Variants in ABL2 observed in about 807,000 individuals in gnomAD.
ABL2 encodes the protein tyrosine-protein kinase ABL2.
In ABL2, 49 loss-of-function variants were observed where a neutral mutation model predicts 107.7. The ratio of observed to expected loss-of-function variants is 0.45; its 90% CI spans 0.36 to 0.58. The LOEUF (loss-of-function observed/expected upper bound fraction) is 0.58. Among genes scored for constraint, ABL2 ranks in the 20% least tolerant of loss-of-function variants. The pLI, the probability that ABL2 is intolerant of heterozygous loss-of-function variation, is 0.00. For synonymous variants in ABL2, 549 were observed against 548.6 expected (o/e 1.00, Z -0.01); for missense variants, 1,245 against 1,457.0 (o/e 0.85, Z 2.37).
intron 1 of ABL2, among the ~76,000 whole-genome samples, chr1:179,145,408 A>T (rs939697174): frequency 7.9e-5 from 12 of 152,194 alleles, no homozygotes; most frequent in African/African-American, 2.7e-4. Context: ...ATTAAACCTG[A>T]AATTTTAATG....
At chr1:179,200,892 C>T (rs1364681826) in intron 1 of ABL2, among the ~76,000 whole-genome samples, 5 of 152,190 alleles carry the variant, frequency 3.3e-5, no homozygotes, top group Non-Finnish European at 7.4e-5. Context: ...ACAAGACATA[C>T]TTACTTCCTC....
chr1:179,202,422 T>A (rs1330723588), intron 1 of ABL2, among the ~76,000 whole-genome samples: 2 of 152,226 alleles, frequency 1.3e-5, no homozygotes, highest in Admixed American at 6.5e-5. Flanking sequence ...ACATTTTTGT[T>A]TTCAATAGTT....
In ABL2 at chr1:179,181,946, ATTTTTT is replaced by A. The variant is rs34828452; in HGVS notation, c.157+47289_157+47294del. 5.5e-5 allele frequency among the ~76,000 whole-genome samples: 5 copies of A among 91,200 alleles called. No homozygotes were observed. In the Admixed American group the frequency reaches 6.0e-4, roughly 11 times the overall value. The allele number at this position is 91,200 out of a possible 152,430, so 59.8% of individuals were successfully genotyped here. On this transcript the variant is annotated intron_variant, in intron 1 of 11. Coordinates refer to ENST00000502732, the MANE Select transcript of ABL2 (RefSeq NM_007314.4). ...TAGTCACGTGTCACCAGGCCCGGCT[ATTTTTT>A]TTTTTTTTTTTTTTTTTGTATTTTT...
chr1:179,101,374 A>G lies in ABL2; in HGVS notation c.*6344T>C, dbSNP rs1572585847. Reference sequence around the variant, plus strand: ...AGGATATTGAGTCAGAAATGAAGGTATCCTTTTTTTTTTTTTTCTTCTTAA... The same window carrying G: ...AGGATATTGAGTCAGAAATGAAGGTGTCCTTTTTTTTTTTTTTCTTCTTAA... On this transcript the variant is annotated 3_prime_UTR_variant, in exon 12 of 12. Coordinates refer to ENST00000502732, the MANE Select transcript of ABL2 (RefSeq NM_007314.4). 1 of 129,530 alleles carries G rather than the reference A, an allele frequency of 7.7e-6. No homozygotes were observed. Among genetic ancestry groups the G allele is most frequent in the South Asian group, 3.1e-4 (1 of 3,178 alleles). 8.0% of individuals were successfully genotyped at this position (129,530 alleles called of 1,614,324 possible).
intron 4 of ABL2, among the ~76,000 whole-genome samples, chr1:179,125,316 A>G (rs894030512): frequency 6.6e-6 from 1 of 152,250 alleles, no homozygotes; most frequent in Admixed American, 6.5e-5. Flanking sequence ...TCTGTTGTTG[A>G]ATGAAATTGC....
chr1:179,207,862 G>A (rs1662065033), intron 1 of ABL2, among the ~76,000 whole-genome samples: 2 of 152,112 alleles, frequency 1.3e-5, no homozygotes, highest in South Asian at 2.1e-4. Flanking sequence ...ATCTCTGACT[G>A]ATATTGTCAC....
intron 1 of ABL2, among the ~76,000 whole-genome samples, chr1:179,185,469 C>T (rs1189242331): frequency 6.6e-6 from 1 of 151,762 alleles, no homozygotes; most frequent in Non-Finnish European, 1.5e-5. Flanking sequence ...TTTTGTTTCA[C>T]TGGAAAGGAA....
chr1:179,190,107 G>A (rs1223907593), intron 1 of ABL2, among the ~76,000 whole-genome samples: 3 of 152,004 alleles, frequency 2.0e-5, no homozygotes, highest in Non-Finnish European at 2.9e-5. Context: ...GTGAGCCACC[G>A]GGCCCAGCCT....
In ABL2 at chr1:179,229,392, C is replaced by G; in HGVS notation, c.6G>C (p.Gly2=). Residue 2 remains glycine, a synonymous_variant, in exon 1 of 12, where the codon GGG becomes GGC. Transcript: ENST00000502732. M[G]QQVGRVGEAP... ...CTTCCCCGACGCGGCCCACCTGCTGCCCCATCCCTGCTCTCGCGTACTCCC... is the reference window on the plus strand; with the variant it reads ...CTTCCCCGACGCGGCCCACCTGCTGGCCCATCCCTGCTCTCGCGTACTCCC... The G allele has an allele frequency of 1.3e-6, 2 of 1,539,970 alleles. No individual in the cohort carries two copies. Among genetic ancestry groups the G allele is most frequent in the Non-Finnish European group, 1.7e-6 (2 of 1,151,916 alleles).
rs1401377188 is a variant in ABL2, at chr1:179,121,702, G to T, written c.853C>A (p.Arg285=). The T allele has an allele frequency of 6.2e-7, 1 of 1,613,910 alleles. No individual in the cohort carries two copies. The highest frequency in any genetic ancestry group is 1.3e-5 in the African/African-American group (1 of 74,854). ...TTGTGCTTCATGGTAATATCTGTTC[G>T]CTCCATTTCCCATTTGTCGTGGATG... is the stretch of plus-strand genomic sequence containing the variant. ...SPIHDKWEME[R]TDITMKHKLG... The change falls in exon 5 of 12, where the codon CGA becomes AGA. Residue 285 remains arginine (R), a synonymous_variant. Coordinates refer to ENST00000502732, the MANE Select transcript of ABL2 (RefSeq NM_007314.4).
chr1:179,199,121 G>A (rs529331148), intron 1 of ABL2, among the ~76,000 whole-genome samples: 21 of 152,204 alleles, frequency 1.4e-4, no homozygotes, highest in Middle Eastern at 6.8e-3. Flanking sequence ...GAGATTACAC[G>A]CGTGAGCCAC....
intron 1 of ABL2, among the ~76,000 whole-genome samples, chr1:179,203,980 T>A (rs954005321): frequency 1.1e-4 from 17 of 152,166 alleles, no homozygotes; most frequent in African/African-American, 3.9e-4. Flanking sequence ...AAAGAGCTGA[T>A]GTGAGGATTA....
chr1:179,118,184 G>A (rs1208088938), intron 7 of ABL2, among the ~76,000 whole-genome samples: 1 of 150,118 alleles, frequency 6.7e-6, no homozygotes. Context: ...ACTAGATGGT[G>A]AAAAAGGATC....
chr1:179,110,943 C>A, intron 10 of ABL2: 4 of 1,391,180 alleles, frequency 2.9e-6, no homozygotes, highest in South Asian at 1.3e-5. Context: ...TGTGGTTACT[C>A]TGCATGCTTG....
intron 1 of ABL2, among the ~76,000 whole-genome samples, chr1:179,214,235 T>A (rs1454888546): frequency 6.6e-6 from 1 of 152,058 alleles, no homozygotes; most frequent in Admixed American, 6.6e-5. Flanking sequence ...CAAAGGGATG[T>A]CATGTTCTTG....
At chr1:179,206,474 C>A (rs1382775377) in intron 1 of ABL2, among the ~76,000 whole-genome samples, 1 of 149,918 alleles carries the variant, frequency 6.7e-6, no homozygotes, top group African/African-American at 2.5e-5. Flanking sequence ...ATAATTCATC[C>A]ACACAATGAA....
chr1:179,168,356 CATAA>C (rs1444285891), intron 1 of ABL2, among the ~76,000 whole-genome samples: 1 of 152,116 alleles, frequency 6.6e-6, no homozygotes, highest in Non-Finnish European at 1.5e-5. Flanking sequence ...GTAAATTCTA[CATAA>C]ATAGTTGTTA....
At chr1:179,149,432 A>G (rs533655987) in intron 1 of ABL2, among the ~76,000 whole-genome samples, 1 of 152,352 alleles carries the variant, frequency 6.6e-6, no homozygotes, top group East Asian at 1.9e-4. Flanking sequence ...AAGTAAGAAA[A>G]TCTAGCTAAG....
chr1:179,117,897 T>C (rs1280982547), intron 7 of ABL2, among the ~76,000 whole-genome samples: 1 of 150,048 alleles, frequency 6.7e-6, no homozygotes, highest in Non-Finnish European at 1.5e-5. Flanking sequence ...GGTGGGTGTA[T>C]CTCCTGAGCT....
Sources: gnomAD v4.1 joint callset for allele counts (sites outside exome capture counted in the v4.1 genomes callset) on GRCh38, gnomAD v4.1.1 for gene constraint, MANE v1.5 for transcripts, NCBI Gene and HGNC (gene_info 2026-07-23, HGNC 2026-07-21) for gene names.